Variants in SLC5A7 observed in about 807,000 individuals in gnomAD.
SLC5A7 encodes solute carrier family 5 member 7.
Under a neutral mutation model 55.4 loss-of-function variants are expected in SLC5A7, and 19 were observed. The observed-to-expected ratio is 0.34, with a 90% CI of 0.24 to 0.50. The LOEUF (loss-of-function observed/expected upper bound fraction) is 0.50, where lower values mean the gene tolerates loss of function less well. Ranked by LOEUF, SLC5A7 falls within the 20% of genes least tolerant of loss-of-function variation. SLC5A7 has a pLI of 0.98. For synonymous variants in SLC5A7, 265 were observed against 263.7 expected, an observed-to-expected ratio of 1.00 and a Z score of -0.05; for missense variants, 506 against 705.3, an observed-to-expected ratio of 0.72 and a Z score of 3.20.
intron 8 of SLC5A7, 127 bp downstream of exon 8, chr2:108,008,809 G>C (rs191646127): frequency 3.1e-6 from 2 of 638,960 alleles, no homozygotes; most frequent in East Asian, 6.1e-5. Flanking sequence ...TGTACTTTAA[G>C]CATACGAGAT....
chr2:107,998,226 T>C (rs1677752367), intron 5 of SLC5A7, among the ~76,000 whole-genome samples: 1 of 152,214 alleles, frequency 6.6e-6, no homozygotes. Context: ...AGGTCTTGCT[T>C]TCCTTAATGC....
At chr2:108,006,593 A>G (rs1206667713) in intron 7 of SLC5A7, among the ~76,000 whole-genome samples, 1 of 151,962 alleles carries the variant, frequency 6.6e-6, no homozygotes, top group Non-Finnish European at 1.5e-5. Flanking sequence ...TGGTATATTT[A>G]TCCATTGTTT....
intron 7 of SLC5A7, among the ~76,000 whole-genome samples, chr2:108,006,437 C>A (rs1484912160): frequency 7.4e-6 from 1 of 135,218 alleles, no homozygotes; most frequent in East Asian, 2.2e-4. Context: ...TCAGGCTGGT[C>A]TCAAACTCCT....
rs199619629 is a variant in SLC5A7, at chr2:108,001,688, AAG to A, written c.598-207_598-206del. On this transcript the variant is annotated intron_variant, in intron 5 of 8. Transcript: ENST00000264047. ...ACTCCGTCTCAAAAAAAAAAAAAAA[AAG>A]AAAAGAAATAGTCAATGTGTTATTT... Among the ~76,000 whole-genome samples, 1,628 of 149,952 alleles carry A rather than the reference AAG, an allele frequency of 0.011. 56 individuals are homozygous for A. Among genetic ancestry groups the A allele is most frequent in the African/African-American group, 0.039 (1,546 of 39,968 alleles).
chr2:108,006,218 C>T lies in SLC5A7; in HGVS notation c.895+16C>T. 1 of 1,613,368 alleles carries T rather than the reference C, an allele frequency of 6.2e-7. No individual in the cohort carries two copies. Among genetic ancestry groups the T allele is most frequent in the Non-Finnish European group, 8.5e-7 (1 of 1,179,682 alleles). ...GCATCAACAGGTAAATCTCTTGCAG[C>T]TTCACCACATGTGCCAGTTAGTTTA... On this transcript the variant is annotated intron_variant, in intron 7 of 8. Coordinates refer to ENST00000264047, the MANE Select transcript of SLC5A7 (RefSeq NM_021815.5).
intron 2 of SLC5A7, among the ~76,000 whole-genome samples, chr2:107,988,881 C>A (rs915766117): frequency 3.9e-5 from 6 of 152,082 alleles, no homozygotes; most frequent in African/African-American, 1.4e-4. Flanking sequence ...ATAACTAATT[C>A]CTCACAGGAA....
chr2:107,990,524 C>G lies in SLC5A7; in HGVS notation c.179-1582C>G, dbSNP rs141704033. 7.0e-3 allele frequency among the ~76,000 whole-genome samples: 1,068 copies of G among 151,738 alleles called. 7 individuals carry two copies. Among genetic ancestry groups the G allele is most frequent in the Non-Finnish European group, 0.012 (795 of 67,888 alleles). On this transcript the variant is annotated intron_variant, in intron 2 of 8. Transcript: ENST00000264047. The stretch of plus-strand genomic sequence containing the variant: ...TTACACACACAGTGAAAAAAAAAAG[C>G]CATTTTAAAAATTTCAGCAGGGCTT...
intron 1 of SLC5A7, among the ~76,000 whole-genome samples, chr2:107,987,760 C>G (rs143199691): frequency 6.6e-6 from 1 of 152,230 alleles, no homozygotes; most frequent in East Asian, 1.9e-4. Flanking sequence ...CAGCGCTACT[C>G]TTTGTAAATG....
At position 108,006,072 on chromosome 2, in the gene SLC5A7, A is replaced by G. The variant is rs1354576821; in HGVS notation, c.765A>G (p.Gln255=). The G allele has an allele frequency of 1.2e-6, 2 of 1,614,098 alleles. No individual in the cohort carries two copies. The highest frequency in any genetic ancestry group is 4.5e-5 in the East Asian group (2 of 44,872). The change falls in exon 7 of 9, where the codon CAA becomes CAG. Residue 255 remains glutamine (Q), a synonymous_variant. Coordinates refer to ENST00000264047, the MANE Select transcript of SLC5A7 (RefSeq NM_021815.5). The part of the protein sequence containing the change: ...LLLMLGGIPW[Q]AYFQRVLSSS... ...AGATGCTGGGTGGAATCCCATGGCAAGCATACTTTCAGAGGGTTCTCTCTT... is the reference window on the plus strand; with the variant it reads ...AGATGCTGGGTGGAATCCCATGGCAGGCATACTTTCAGAGGGTTCTCTCTT...
At chr2:108,001,436 G>A (rs533473024) in intron 5 of SLC5A7, among the ~76,000 whole-genome samples, 2 of 152,176 alleles carry the variant, frequency 1.3e-5, no homozygotes, top group East Asian at 1.9e-4. Context: ...CACTTTGGGA[G>A]GCCGAGGCGG....
chr2:107,991,834 C>T (rs1677465123), intron 2 of SLC5A7, among the ~76,000 whole-genome samples: 1 of 152,038 alleles, frequency 6.6e-6, no homozygotes, highest in Non-Finnish European at 1.5e-5. Context: ...ACATTTTCTA[C>T]AAACCTCTAA....
rs1678294436 is a variant in SLC5A7 at position 108,010,738 on chromosome 2, T to C, written c.1620T>C (p.Asp540=). The C allele has an allele frequency of 6.2e-7, 1 of 1,613,654 alleles. No individual in the cohort carries two copies. ...TCAAAAATGAAAATATTAAATTAGA[T>C]GAACTTGCACTTGTGAAGCCACGAC... ...ILVKNENIKL[D]ELALVKPRQS... Residue 540 remains aspartate, a synonymous_variant, in exon 9 of 9, where the codon GAT becomes GAC. Coordinates refer to ENST00000264047, the MANE Select transcript of SLC5A7 (RefSeq NM_021815.5).
chr2:107,991,930 T>A (rs1279816584), intron 2 of SLC5A7, among the ~76,000 whole-genome samples, 176 bp from the exon 3 acceptor site: 1 of 152,254 alleles, frequency 6.6e-6, no homozygotes, highest in Non-Finnish European at 1.5e-5. Flanking sequence ...CAACATGTGA[T>A]TAATGAAAGA....
intron 2 of SLC5A7, among the ~76,000 whole-genome samples, chr2:107,990,996 T>C (rs1677432634): frequency 6.6e-6 from 1 of 152,182 alleles, no homozygotes; most frequent in African/African-American, 2.4e-5. Flanking sequence ...AAGGATTGCT[T>C]AGAATATTTT....
rs1392135172 is a variant in SLC5A7, at chr2:108,001,944, C to A, written c.645C>A (p.Ile215=). ...FALSHPAVAD[I]GFTAVHAKYQ... ...TGTCACATCCTGCAGTCGCAGACATCGGGTTCACTGCTGTGCATGCCAAAT... is the reference window on the plus strand; with the variant it reads ...TGTCACATCCTGCAGTCGCAGACATAGGGTTCACTGCTGTGCATGCCAAAT... Residue 215 remains isoleucine (I), a synonymous_variant, in exon 6 of 9, where the codon ATC becomes ATA. Transcript: ENST00000264047. 6.2e-7 allele frequency: 1 copy of A among 1,614,006 alleles called. No individual in the cohort carries two copies. The highest frequency in any genetic ancestry group is 8.5e-7 in the Non-Finnish European group (1 of 1,180,016).
rs141187628 is a variant in SLC5A7, at chr2:108,010,315, G to A, written c.1197G>A (p.Thr399=). 3.2e-5 allele frequency: 51 copies of A among 1,613,938 alleles called. No homozygotes were observed. In the East Asian group the frequency reaches 5.6e-4, roughly 18 times the overall value. Residue 399 remains threonine, a synonymous_variant, in exon 9 of 9, where the codon ACG becomes ACA. Coordinates refer to ENST00000264047, the MANE Select transcript of SLC5A7 (RefSeq NM_021815.5). ...GASATAMALL[T]KTVYGLWYLS... ...CTGCAACAGCCATGGCCTTGCTGACGAAAACTGTGTATGGGCTCTGGTACC... is the reference window on the plus strand; with the variant it reads ...CTGCAACAGCCATGGCCTTGCTGACAAAAACTGTGTATGGGCTCTGGTACC...
intron 4 of SLC5A7, among the ~76,000 whole-genome samples, chr2:107,995,459 G>C (rs1677631225): frequency 7.9e-6 from 1 of 127,156 alleles, no homozygotes; most frequent in South Asian, 2.6e-4. Context: ...GAGAGAGAGA[G>C]AGAGAGAGAG....
chr2:107,989,490 C>T (rs1677367187), intron 2 of SLC5A7, among the ~76,000 whole-genome samples: 1 of 152,188 alleles, frequency 6.6e-6, no homozygotes, highest in African/African-American at 2.4e-5. Flanking sequence ...TTTAACTCTT[C>T]ATCTACTGTA....
chr2:107,988,599 T>C (rs1482836391), intron 2 of SLC5A7, among the ~76,000 whole-genome samples: 1 of 152,206 alleles, frequency 6.6e-6, no homozygotes, highest in Admixed American at 6.5e-5. Flanking sequence ...CTTGGCTCCC[T>C]GGGCTATTGA....
Sources: gnomAD v4.1 joint callset for allele counts (sites outside exome capture counted in the v4.1 genomes callset) on GRCh38, gnomAD v4.1.1 for gene constraint, MANE v1.5 for transcripts, NCBI Gene and HGNC (gene_info 2026-07-23, HGNC 2026-07-21) for gene names.